Variants in STK32B observed in about 807,000 individuals in gnomAD.
STK32B encodes the protein serine/threonine kinase 32B.
Under a neutral mutation model 52.6 loss-of-function variants are expected in STK32B, and 43 were observed. That is an observed-to-expected ratio of 0.82 (90% CI 0.64 to 1.05). STK32B has a LOEUF of 1.05. Among genes scored for constraint, STK32B ranks in the 50% least tolerant of loss-of-function variants. STK32B has a pLI of 0.00. For synonymous variants in STK32B, 238 were observed against 204.3 expected (o/e 1.17, Z -1.41); for missense variants, 621 against 534.6 (o/e 1.16, Z -1.59).
chr4:5,190,355 C>T (rs1454128197), intron 3 of STK32B, among the ~76,000 whole-genome samples: 2 of 152,284 alleles, frequency 1.3e-5, no homozygotes, highest in African/African-American at 2.4e-5. Context: ...CACCAGACCC[C>T]TGTTAGGCTG....
chr4:5,328,437 A>C (rs573978320), intron 3 of STK32B, among the ~76,000 whole-genome samples: 2 of 152,292 alleles, frequency 1.3e-5, no homozygotes, highest in South Asian at 4.2e-4. Flanking sequence ...GCCTTTGTAG[A>C]GTTATTAACT....
intron 6 of STK32B, among the ~76,000 whole-genome samples, chr4:5,443,144 G>A (rs1186064876): frequency 1.4e-4 from 21 of 150,140 alleles, no homozygotes; most frequent in African/African-American, 4.7e-4. Flanking sequence ...GAATCTGAAC[G>A]TTGGCCTGCC....
At chr4:5,151,723 A>G (rs1263227083) in intron 2 of STK32B, among the ~76,000 whole-genome samples, 1 of 152,170 alleles carries the variant, frequency 6.6e-6, no homozygotes, top group East Asian at 1.9e-4. Context: ...GGCTGATGCT[A>G]ATATATGTTA....
intron 3 of STK32B, among the ~76,000 whole-genome samples, chr4:5,186,555 T>C (rs1392087562): frequency 6.6e-6 from 1 of 152,140 alleles, no homozygotes; most frequent in Non-Finnish European, 1.5e-5. Context: ...GTTATCGTGC[T>C]TTGGTGTCCT....
At chr4:5,249,076 A>G (rs990224250) in intron 3 of STK32B, among the ~76,000 whole-genome samples, 4 of 149,928 alleles carry the variant, frequency 2.7e-5, no homozygotes, top group African/African-American at 1.0e-4. Context: ...TTAAAGTATG[A>G]TAATAAAAAA....
At chr4:5,323,841 G>C (rs1353057525) in intron 3 of STK32B, among the ~76,000 whole-genome samples, 2 of 152,186 alleles carry the variant, frequency 1.3e-5, no homozygotes, top group Non-Finnish European at 2.9e-5. Flanking sequence ...AAGAGCAATG[G>C]TGACTTGGCC....
At chr4:5,077,387 G>C (rs1401141121) in intron 1 of STK32B, among the ~76,000 whole-genome samples, 1 of 152,036 alleles carries the variant, frequency 6.6e-6, no homozygotes, top group Non-Finnish European at 1.5e-5. Flanking sequence ...TAGGCACTCA[G>C]ATGTCACTGC....
chr4:5,028,881 GA>G, the STK32B span, among the ~76,000 whole-genome samples: 10 of 152,346 alleles, frequency 6.6e-5, no homozygotes, highest in African/African-American at 2.2e-4. Context: ...AGCTATACAG[GA>G]AGCATGATGC....
intron 6 of STK32B, among the ~76,000 whole-genome samples, chr4:5,428,122 T>C (rs1713250312): frequency 6.6e-6 from 1 of 152,000 alleles, no homozygotes; most frequent in Non-Finnish European, 1.5e-5. Flanking sequence ...TAAAAACATT[T>C]CTAGGCCAGG....
intron 3 of STK32B, among the ~76,000 whole-genome samples, chr4:5,324,076 G>C (rs1017392095): frequency 2.0e-5 from 3 of 152,212 alleles, no homozygotes; most frequent in Admixed American, 6.5e-5. Flanking sequence ...CACTTAGGCC[G>C]GGCACGGCAG....
At chr4:5,320,066 A>T (rs955873038) in intron 3 of STK32B, among the ~76,000 whole-genome samples, 1 of 152,150 alleles carries the variant, frequency 6.6e-6, no homozygotes, top group Admixed American at 6.5e-5. Context: ...TGGAACAGAC[A>T]CTGATGAGCC....
At chr4:5,420,848 G>A (rs901789612) in intron 6 of STK32B, among the ~76,000 whole-genome samples, 1 of 152,068 alleles carries the variant, frequency 6.6e-6, no homozygotes, top group African/African-American at 2.4e-5. Flanking sequence ...TTGATGTCAA[G>A]GAGTGTAGAT....
At chr4:5,159,328 G>C (rs569881950) in intron 2 of STK32B, among the ~76,000 whole-genome samples, 30 of 151,906 alleles carry the variant, frequency 2.0e-4, no homozygotes, top group African/African-American at 6.3e-4. Context: ...CAGTATGGTG[G>C]CTACAGTGGC....
chr4:5,193,095 G>A (rs1377695871), intron 3 of STK32B, among the ~76,000 whole-genome samples: 1 of 152,166 alleles, frequency 6.6e-6, no homozygotes, highest in African/African-American at 2.4e-5. Context: ...AGGCCTGGCT[G>A]CCCATGCCTG....
chr4:5,462,114 T>C (rs886293032), intron 9 of STK32B, among the ~76,000 whole-genome samples: 2 of 152,166 alleles, frequency 1.3e-5, no homozygotes, highest in Non-Finnish European at 2.9e-5. Context: ...TGTATGCCTG[T>C]GCATCTGTGT....
chr4:5,104,150 CAT>C (rs1713972735), intron 1 of STK32B, among the ~76,000 whole-genome samples: 1 of 152,032 alleles, frequency 6.6e-6, no homozygotes, highest in African/African-American at 2.4e-5. Context: ...ATAATCCCCA[CAT>C]GTCATGGGAG....
chr4:5,311,600 G>A (rs1730292352), intron 3 of STK32B, among the ~76,000 whole-genome samples: 1 of 151,892 alleles, frequency 6.6e-6, no homozygotes, highest in Non-Finnish European at 1.5e-5. Flanking sequence ...TGAAACAGAG[G>A]CTACCAACAC....
At chr4:5,246,377 C>G (rs1444633770) in intron 3 of STK32B, among the ~76,000 whole-genome samples, 1 of 152,210 alleles carries the variant, frequency 6.6e-6, no homozygotes, top group Non-Finnish European at 1.5e-5. Flanking sequence ...GTTACTGAGG[C>G]TTGAGCATTT....
intron 3 of STK32B, among the ~76,000 whole-genome samples, chr4:5,207,723 A>G (rs1404041123): frequency 6.6e-6 from 1 of 151,538 alleles, no homozygotes; most frequent in Non-Finnish European, 1.5e-5. Flanking sequence ...TTCTTAAGAA[A>G]GTGTCTGAGA....
Sources: gnomAD v4.1 joint callset for allele counts (sites outside exome capture counted in the v4.1 genomes callset) on GRCh38, gnomAD v4.1.1 for gene constraint, MANE v1.5 for transcripts, NCBI Gene and HGNC (gene_info 2026-07-23, HGNC 2026-07-21) for gene names.